Variants in GRM7 observed in about 807,000 individuals in gnomAD.
The protein encoded by GRM7 is glutamate metabotropic receptor 7, also known as metabotropic glutamate receptor 7.
Under a neutral mutation model 84.5 loss-of-function variants are expected in GRM7, and 35 were observed. That is an observed-to-expected ratio of 0.41 (90% CI 0.32 to 0.55). The LOEUF (loss-of-function observed/expected upper bound fraction) is 0.55, where lower values mean the gene tolerates loss of function less well. Among genes scored for constraint, GRM7 ranks in the 20% least tolerant of loss-of-function variants. The pLI is 0.19. For synonymous variants in GRM7, 487 were observed against 455.1 expected, an observed-to-expected ratio of 1.07 and a Z score of -0.89; for missense variants, 1,003 against 1,194.6, an observed-to-expected ratio of 0.84 and a Z score of 2.36.
At position 7,433,701 on chromosome 3, in the gene GRM7, A is replaced by G. The variant is rs148693797; in HGVS notation, c.1174+18538A>G. Among the ~76,000 whole-genome samples the G allele has an allele frequency of 3.5e-3, 530 of 152,330 alleles. 11 individuals are homozygous for G. The highest frequency in any genetic ancestry group is 0.027 in the Admixed American group (412 of 15,290). ...TTTTCTTCCAGGACTATTCTTGATAAAAGATATCCATGCCAAATTCATTGA... is the reference window on the plus strand; with the variant it reads ...TTTTCTTCCAGGACTATTCTTGATAGAAGATATCCATGCCAAATTCATTGA... On this transcript the variant is annotated intron_variant, in intron 5 of 9. Coordinates refer to ENST00000357716, the MANE Select transcript of GRM7 (RefSeq NM_000844.4).
intron 2 of GRM7, among the ~76,000 whole-genome samples, chr3:7,220,149 C>G (rs1383610647): frequency 2.0e-5 from 3 of 152,198 alleles, no homozygotes; most frequent in African/African-American, 7.2e-5. Flanking sequence ...ATACTCTTCT[C>G]TCACAAAGTT....
intron 4 of GRM7, among the ~76,000 whole-genome samples, chr3:7,372,350 G>C (rs111533162): frequency 5.9e-5 from 9 of 152,258 alleles, no homozygotes; most frequent in African/African-American, 2.2e-4. Flanking sequence ...TGTGTCCTCA[G>C]TTGTGTACAA....
intron 8 of GRM7, among the ~76,000 whole-genome samples, chr3:7,648,422 G>A (rs988867738): frequency 1.6e-4 from 25 of 151,938 alleles, no homozygotes; most frequent in Admixed American, 3.3e-4. Flanking sequence ...TGAGGCGGGC[G>A]GATCACCTGA....
intron 1 of GRM7, among the ~76,000 whole-genome samples, chr3:7,040,950 G>A (rs1559401103): frequency 6.6e-6 from 1 of 151,844 alleles, no homozygotes; most frequent in Non-Finnish European, 1.5e-5. Context: ...AGGTGTGGTG[G>A]TGTGCACCTG....
At chr3:7,204,941 G>A (rs1696185959) in intron 2 of GRM7, among the ~76,000 whole-genome samples, 1 of 152,192 alleles carries the variant, frequency 6.6e-6, no homozygotes, top group African/African-American at 2.4e-5. Context: ...AAACTCAAAA[G>A]GCTTGGCTCC....
chr3:7,279,750 G>C (rs1029123015), intron 2 of GRM7, among the ~76,000 whole-genome samples: 1 of 152,094 alleles, frequency 6.6e-6, no homozygotes, highest in African/African-American at 2.4e-5. Flanking sequence ...GCTCTTCAAG[G>C]ACTCATATCT....
intron 8 of GRM7, among the ~76,000 whole-genome samples, chr3:7,581,448 A>G (rs3804899): frequency 0.23 from 34,589 of 152,098 alleles, 4,795 homozygotes; most frequent in Non-Finnish European, 0.29. Flanking sequence ...AAATGGGAAC[A>G]GTAAATTATT....
intron 8 of GRM7, among the ~76,000 whole-genome samples, chr3:7,664,518 T>A (rs1405687157): frequency 6.6e-6 from 1 of 152,226 alleles, no homozygotes; most frequent in African/African-American, 2.4e-5. Flanking sequence ...TGTCTTCTAC[T>A]TTTTTATTAT....
intron 4 of GRM7, among the ~76,000 whole-genome samples, chr3:7,321,012 T>C (rs772044980): frequency 4.6e-5 from 7 of 151,976 alleles, no homozygotes; most frequent in Non-Finnish European, 8.8e-5. Flanking sequence ...AATGTACCAT[T>C]TTGACAAAGT....
At chr3:7,635,495 T>G (rs1698053269) in intron 8 of GRM7, among the ~76,000 whole-genome samples, 1 of 152,164 alleles carries the variant, frequency 6.6e-6, no homozygotes, top group African/African-American at 2.4e-5. Flanking sequence ...TTTGCTTGTT[T>G]AAGATGAAAT....
At chr3:6,962,668 T>A (rs902642397) in intron 1 of GRM7, among the ~76,000 whole-genome samples, 23 of 152,166 alleles carry the variant, frequency 1.5e-4, no homozygotes, top group Non-Finnish European at 3.2e-4. Flanking sequence ...AGTAGTTTGT[T>A]AAGGTCACAC....
In GRM7 at chr3:7,469,065, T is replaced by G. The variant is rs537860551; in HGVS notation, c.1515+7343T>G. ...AGCACCAAGCGTAGTGCTGAGCATATAGAAATGGCTTGTTAAATATTAAAA... is the reference window on the plus strand; with the variant it reads ...AGCACCAAGCGTAGTGCTGAGCATAGAGAAATGGCTTGTTAAATATTAAAA... On this transcript the variant is annotated intron_variant, in intron 7 of 9. Transcript: ENST00000357716. Among the ~76,000 whole-genome samples, 19 of 152,312 alleles carry G rather than the reference T, an allele frequency of 1.2e-4. No individual in the cohort carries two copies. In the South Asian group the frequency reaches 3.5e-3, roughly 28 times the overall value.
rs1331126086 is a variant in GRM7 at position 7,633,530 on chromosome 3, G to A, written c.2452-46519G>A. The stretch of plus-strand genomic sequence containing the variant: ...GCCGAGTGGGGCTGGTGTGCATAGC[G>A]GGGTGTGTGTGGACAAGCAGGGGTA... On this transcript the variant is annotated intron_variant, in intron 8 of 9. Coordinates refer to ENST00000357716, the MANE Select transcript of GRM7 (RefSeq NM_000844.4). Among the ~76,000 whole-genome samples the A allele has an allele frequency of 4.6e-5, 7 of 152,074 alleles. No individual in the cohort carries two copies. The East Asian group carries it at 7.7e-4, about 17-fold the overall frequency.
chr3:7,427,716 G>T (rs759407368), intron 5 of GRM7, among the ~76,000 whole-genome samples: 2 of 152,096 alleles, frequency 1.3e-5, no homozygotes, highest in South Asian at 2.1e-4. Context: ...GTTGAGAAAG[G>T]TAAAACCCCA....
chr3:7,350,408 T>C (rs946426107), intron 4 of GRM7, among the ~76,000 whole-genome samples: 1 of 151,986 alleles, frequency 6.6e-6, no homozygotes, highest in Non-Finnish European at 1.5e-5. Context: ...TTTGGTTGTT[T>C]AATAATACGT....
At chr3:7,285,026 T>G (rs1245773341) in intron 2 of GRM7, among the ~76,000 whole-genome samples, 1 of 152,202 alleles carries the variant, frequency 6.6e-6, no homozygotes, top group Non-Finnish European at 1.5e-5. Context: ...ACCAGCAGGT[T>G]ACATTTGTCC....
chr3:7,112,039 C>G (rs150628431), intron 1 of GRM7, among the ~76,000 whole-genome samples: 1 of 152,160 alleles, frequency 6.6e-6, no homozygotes, highest in East Asian at 1.9e-4. Flanking sequence ...TTTAAGTTGG[C>G]AGAAGTGTAA....
At chr3:7,481,031 G>A (rs762005462) in intron 7 of GRM7, among the ~76,000 whole-genome samples, 3 of 151,974 alleles carry the variant, frequency 2.0e-5, no homozygotes, top group Non-Finnish European at 2.9e-5. Context: ...ACACGGACAG[G>A]GCCATTGGGC....
chr3:6,897,817 T>C (rs1156961146), intron 1 of GRM7, among the ~76,000 whole-genome samples: 1 of 152,162 alleles, frequency 6.6e-6, no homozygotes, highest in Non-Finnish European at 1.5e-5. Context: ...ACAGAGATAG[T>C]GTAGCATTAG....
Sources: allele counts gnomAD v4.1 joint callset (sites outside exome capture counted in the v4.1 genomes callset), GRCh38; gene constraint gnomAD v4.1.1; transcripts MANE v1.5; gene names NCBI Gene and HGNC (gene_info 2026-07-23, HGNC 2026-07-21).